The following ARB2A variants were observed in gnomAD, a reference collection of about 807,000 sequenced individuals.
The protein encoded by ARB2A is ARB2 cotranscriptional regulator A.
chr5:93,913,382 A>C, the ARB2A span, among the ~76,000 whole-genome samples: 1 of 151,954 alleles, frequency 6.6e-6, no homozygotes, highest in South Asian at 2.1e-4. Flanking sequence ...GCTAAGACTC[A>C]TATAACCTCC....
the ARB2A span, among the ~76,000 whole-genome samples, chr5:94,083,935 C>T: frequency 6.6e-6 from 1 of 151,722 alleles, no homozygotes; most frequent in Non-Finnish European, 1.5e-5. Context: ...CAAATACTAG[C>T]AACAATCAGT....
At chr5:93,909,448 TATTG>T in the ARB2A span, among the ~76,000 whole-genome samples, 3 of 150,996 alleles carry the variant, frequency 2.0e-5, no homozygotes, top group East Asian at 5.8e-4. Context: ...AAAAAAATGT[TATTG>T]ATCTCTACAA....
chr5:93,881,131 T>C, the ARB2A span, among the ~76,000 whole-genome samples: 1 of 151,682 alleles, frequency 6.6e-6, no homozygotes, highest in Non-Finnish European at 1.5e-5. Flanking sequence ...TATGTTTCCT[T>C]AAAGAAACAG....
At chr5:94,063,975 A>G in the ARB2A span, among the ~76,000 whole-genome samples, 2 of 152,190 alleles carry the variant, frequency 1.3e-5, no homozygotes, top group African/African-American at 2.4e-5. Context: ...AAGGAGCACA[A>G]TAACTCTCTG....
chr5:94,072,529 T>C, the ARB2A span, among the ~76,000 whole-genome samples: 1 of 152,144 alleles, frequency 6.6e-6, no homozygotes, highest in South Asian at 2.1e-4. Flanking sequence ...TCAACATTAA[T>C]GTCCAGAATA....
At chr5:94,063,151 AC>A in the ARB2A span, among the ~76,000 whole-genome samples, 3 of 151,732 alleles carry the variant, frequency 2.0e-5, no homozygotes. Flanking sequence ...GTCTACATGT[AC>A]CACAGGTGGT....
the ARB2A span, among the ~76,000 whole-genome samples, chr5:94,039,354 A>C: frequency 6.6e-6 from 1 of 152,172 alleles, no homozygotes; most frequent in Admixed American, 6.5e-5. Context: ...TTGCTGATAA[A>C]ACAGGCTGAA....
chr5:93,992,535 G>A, the ARB2A span, among the ~76,000 whole-genome samples: 2 of 151,908 alleles, frequency 1.3e-5, no homozygotes, highest in African/African-American at 2.4e-5. Flanking sequence ...ATCACTTTTA[G>A]CTAAAATCTT....
At chr5:93,655,817 T>C in the ARB2A span, among the ~76,000 whole-genome samples, 1 of 152,198 alleles carries the variant, frequency 6.6e-6, no homozygotes, top group Non-Finnish European at 1.5e-5. Context: ...ACAACACCCT[T>C]AGCTAAAGGA....
chr5:93,911,328 G>A, the ARB2A span, among the ~76,000 whole-genome samples: 1 of 151,510 alleles, frequency 6.6e-6, no homozygotes, highest in African/African-American at 2.4e-5. Flanking sequence ...GTAATATATC[G>A]GAATACATTT....
At chr5:93,872,374 G>A in the ARB2A span, among the ~76,000 whole-genome samples, 1 of 151,992 alleles carries the variant, frequency 6.6e-6, no homozygotes, top group Non-Finnish European at 1.5e-5. Flanking sequence ...GTCACAGTTG[G>A]TAAGCAAAAA....
At chr5:93,874,092 T>G in the ARB2A span, among the ~76,000 whole-genome samples, 1 of 152,190 alleles carries the variant, frequency 6.6e-6, no homozygotes, top group South Asian at 2.1e-4. Flanking sequence ...TTTGTTTCCT[T>G]TTGTCTGATT....
At chr5:93,896,918 C>G in the ARB2A span, among the ~76,000 whole-genome samples, 14 of 151,920 alleles carry the variant, frequency 9.2e-5, no homozygotes, top group South Asian at 2.1e-4. Flanking sequence ...TATAAACTTC[C>G]ATATTCCGCA....
chr5:94,080,992 T>A, the ARB2A span, among the ~76,000 whole-genome samples: 1 of 152,156 alleles, frequency 6.6e-6, no homozygotes, highest in Non-Finnish European at 1.5e-5. Flanking sequence ...AAAGAACTCT[T>A]GCAACTCAAT....
the ARB2A span, among the ~76,000 whole-genome samples, chr5:93,852,911 T>G: frequency 6.6e-6 from 1 of 152,216 alleles, no homozygotes; most frequent in Non-Finnish European, 1.5e-5. Context: ...TTTGTTCTTT[T>G]GGCTTAGGAC....
chr5:94,102,039 T>G, the ARB2A span, among the ~76,000 whole-genome samples: 7 of 151,502 alleles, frequency 4.6e-5, no homozygotes, highest in Admixed American at 6.6e-5. Flanking sequence ...AATGAAACTT[T>G]CCTCCTGAAA....
the ARB2A span, among the ~76,000 whole-genome samples, chr5:93,660,865 G>A: frequency 3.3e-5 from 5 of 152,238 alleles, no homozygotes; most frequent in South Asian, 2.1e-4. Flanking sequence ...CATGACGACT[G>A]CCTTGATGCT....
the ARB2A span, among the ~76,000 whole-genome samples, chr5:93,796,566 ATAT>A: frequency 6.6e-6 from 1 of 152,300 alleles, no homozygotes; most frequent in East Asian, 1.9e-4. Flanking sequence ...TTGTTTGAAA[ATAT>A]TTGAACGAGG....
chr5:93,995,642 T>C, the ARB2A span, among the ~76,000 whole-genome samples: 1 of 152,164 alleles, frequency 6.6e-6, no homozygotes, highest in Non-Finnish European at 1.5e-5. Flanking sequence ...TTCAACTATG[T>C]GAGGAGTCAG....
Sources: allele counts gnomAD v4.1 joint callset (sites outside exome capture counted in the v4.1 genomes callset), GRCh38; gene constraint gnomAD v4.1.1; transcripts MANE v1.5; gene names NCBI Gene and HGNC (gene_info 2026-07-23, HGNC 2026-07-21).